The following CD244 variants were observed in gnomAD, a reference collection of about 807,000 sequenced individuals.
CD244 encodes natural killer cell receptor 2B4.
CD244 carries 20 observed loss-of-function variants against 45.5 expected under a neutral mutation model. The observed-to-expected ratio is 0.44, with a 90% CI of 0.31 to 0.64. The LOEUF (loss-of-function observed/expected upper bound fraction) is 0.64, where lower values mean the gene tolerates loss of function less well. Among genes scored for constraint, CD244 ranks in the 30% least tolerant of loss-of-function variants. CD244 has a pLI of 0.08. For synonymous variants in CD244, 185 were observed against 160.5 expected (o/e 1.15, Z -1.15); for missense variants, 407 against 426.9 (o/e 0.95, Z 0.41).
At chr1:160,846,457 G>A (rs961865031) in intron 1 of CD244, among the ~76,000 whole-genome samples, 2 of 152,190 alleles carry the variant, frequency 1.3e-5, no homozygotes, top group South Asian at 2.1e-4. Context: ...AGTTGAGGTC[G>A]GGAGTTGGAG....
At chr1:160,833,121 G>A (rs541749948) in intron 7 of CD244, among the ~76,000 whole-genome samples, 6 of 151,954 alleles carry the variant, frequency 3.9e-5, no homozygotes, top group Non-Finnish European at 7.4e-5. Flanking sequence ...GAATTCAGAG[G>A]CACATTCAGT....
chr1:160,839,869 C>T (rs564056045), intron 3 of CD244, among the ~76,000 whole-genome samples: 1 of 152,324 alleles, frequency 6.6e-6, no homozygotes, highest in East Asian at 1.9e-4. Flanking sequence ...TTCCACTATT[C>T]CTTCCTTCAT....
intron 5 of CD244, 29 bp from the exon 6 acceptor site, chr1:160,836,283 T>G (rs777290573): frequency 1.3e-6 from 2 of 1,577,140 alleles, no homozygotes; most frequent in Non-Finnish European, 1.7e-6. Flanking sequence ...TGGGGTAACA[T>G]GAGCGACAGT....
At chr1:160,837,830 C>T (rs1381055846) in intron 5 of CD244, among the ~76,000 whole-genome samples, 1 of 152,244 alleles carries the variant, frequency 6.6e-6, no homozygotes, top group East Asian at 1.9e-4. Flanking sequence ...CATCTGCAGG[C>T]CCTCTGCAAT....
rs1439774345 is a variant in CD244, at chr1:160,838,954, T to C, written c.751A>G (p.Lys251Glu). 1.9e-5 allele frequency: 31 copies of C among 1,612,966 alleles called. No individual in the cohort carries two copies. In the East Asian group the frequency reaches 6.2e-4, roughly 32 times the overall value. ...ACFCVWRRKR[K>E]EKQSETSPKE... ...TTCCACTCACCTGACTGCTTCTCCT[T>C]CCTCTTTCTCCTCCACACACAGAAG... Residue 251 changes from lysine (K) to glutamate (E), a missense_variant, in exon 4 of 9, where the codon AAG becomes GAG. By Grantham distance (56) the Lys-to-Glu change is moderately conservative (BLOSUM62 1). Transcript: ENST00000368034.
intron 8 of CD244, 89 bp from the exon 9 acceptor site, chr1:160,831,516 C>A: frequency 1.1e-6 from 1 of 937,960 alleles, no homozygotes; most frequent in Non-Finnish European, 1.7e-6. Context: ...CCCCATTTTA[C>A]AGATTTAAAA....
At chr1:160,858,506 A>C (rs1426490863) in intron 1 of CD244, among the ~76,000 whole-genome samples, 1 of 152,126 alleles carries the variant, frequency 6.6e-6, no homozygotes, top group Non-Finnish European at 1.5e-5. Flanking sequence ...GGACAACTGA[A>C]ACCTGAATTT....
chr1:160,832,819 T>A, intron 7 of CD244: 1 of 613,376 alleles, frequency 1.6e-6, no homozygotes, highest in Non-Finnish European at 2.8e-6. Context: ...CAGAATTTGC[T>A]GTTCCATACC....
At chr1:160,850,705 A>G (rs1220540260) in intron 1 of CD244, among the ~76,000 whole-genome samples, 2 of 152,242 alleles carry the variant, frequency 1.3e-5, no homozygotes, top group African/African-American at 4.8e-5. Context: ...GTTTCACACC[A>G]CAACAATCAA....
Position 160,831,269 on chromosome 1 carries a change from A to G in CD244, c.*78T>C. The stretch of plus-strand genomic sequence containing the variant: ...CCAGACTAGGAACTGTTCTATAGAG[A>G]CTCCTGTGCCGTCATCCACTGTGCC... On this transcript the variant is annotated 3_prime_UTR_variant, in exon 9 of 9. Transcript: ENST00000368034. The G allele has an allele frequency of 5.0e-6, 5 of 996,548 alleles. No individual in the cohort carries two copies. The highest frequency in any genetic ancestry group is 2.4e-5 in the East Asian group (1 of 41,974). 61.7% of individuals were successfully genotyped at this position (996,548 alleles called of 1,614,324 possible). A position where few individuals can be genotyped will look rare whatever the true frequency, so the allele number is the denominator to read the frequency against.
intron 3 of CD244, among the ~76,000 whole-genome samples, chr1:160,839,887 C>A (rs985450288): frequency 6.6e-6 from 1 of 152,206 alleles, no homozygotes; most frequent in Non-Finnish European, 1.5e-5. Flanking sequence ...CATGGCTCTT[C>A]CTCATTTGAA....
intron 6 of CD244, 81 bp downstream of exon 6, chr1:160,836,114 A>G: frequency 9.7e-7 from 1 of 1,028,294 alleles, no homozygotes; most frequent in East Asian, 2.4e-5. Context: ...TTATTCTGCC[A>G]TTCAATGGTG....
At chr1:160,849,736 A>G (rs1019052813) in intron 1 of CD244, among the ~76,000 whole-genome samples, 3 of 152,214 alleles carry the variant, frequency 2.0e-5, no homozygotes, top group Non-Finnish European at 4.4e-5. Flanking sequence ...TTAGAAATGA[A>G]TATGTGAGGC....
intron 1 of CD244, among the ~76,000 whole-genome samples, chr1:160,855,586 A>G (rs1453304702): frequency 6.6e-6 from 1 of 152,212 alleles, no homozygotes; most frequent in Non-Finnish European, 1.5e-5. Context: ...TACTACGAAA[A>G]CATAACTTCA....
At chr1:160,851,111 T>C (rs972072800) in intron 1 of CD244, among the ~76,000 whole-genome samples, 3 of 152,202 alleles carry the variant, frequency 2.0e-5, no homozygotes, top group Admixed American at 6.5e-5. Flanking sequence ...CCTCCGCATG[T>C]TTAGCTCTCT....
chr1:160,834,284 C>T (rs1037787270), intron 6 of CD244, among the ~76,000 whole-genome samples, 168 bp from the exon 7 acceptor site: 1 of 152,216 alleles, frequency 6.6e-6, no homozygotes, highest in East Asian at 1.9e-4. Context: ...GTGCTAGTCT[C>T]GCTCTGTCAT....
chr1:160,841,135 A>T (rs888762136), intron 3 of CD244, 75 bp downstream of exon 3: 4 of 1,435,920 alleles, frequency 2.8e-6, no homozygotes, highest in Non-Finnish European at 3.9e-6. Context: ...CTCATACCAC[A>T]TCTGTCTTGC....
intron 1 of CD244, chr1:160,848,009 G>A (rs1022902520): frequency 1.8e-5 from 5 of 271,748 alleles, no homozygotes; most frequent in South Asian, 1.3e-4. Flanking sequence ...GCTATCAACC[G>A]TAGTCAACCC....
intron 1 of CD244, among the ~76,000 whole-genome samples, chr1:160,853,426 T>A (rs1225921322): frequency 1.3e-5 from 2 of 152,214 alleles, no homozygotes; most frequent in Non-Finnish European, 2.9e-5. Context: ...ATGTGTTACA[T>A]CTTGATGTGG....
Sources: gnomAD v4.1 joint callset for allele counts (sites outside exome capture counted in the v4.1 genomes callset) on GRCh38, gnomAD v4.1.1 for gene constraint, MANE v1.5 for transcripts, NCBI Gene and HGNC (gene_info 2026-07-23, HGNC 2026-07-21) for gene names.